The following TBC1D5 variants were observed in gnomAD, a reference collection of about 807,000 sequenced individuals.
The protein encoded by TBC1D5 is TBC1 domain family member 5.
Under a neutral mutation model 100.3 loss-of-function variants are expected in TBC1D5, and 75 were observed. The observed-to-expected ratio is 0.75, with a 90% CI of 0.62 to 0.91. The LOEUF is 0.91. Among genes scored for constraint, TBC1D5 ranks in the 40% least tolerant of loss-of-function variants. TBC1D5 has a pLI of 0.00. For missense variants in TBC1D5, 910 were observed against 942.4 expected (o/e 0.97, Z 0.45); for synonymous variants, 323 against 325.6 (o/e 0.99, Z 0.09).
intron 2 of TBC1D5, among the ~76,000 whole-genome samples, chr3:17,558,577 A>C (rs370568884): frequency 1.1e-4 from 17 of 152,228 alleles, no homozygotes; most frequent in African/African-American, 4.1e-4. Context: ...AGGTTCTCCC[A>C]CAAGAAATTA....
At chr3:17,584,647 T>C (rs1222295927) in intron 2 of TBC1D5, among the ~76,000 whole-genome samples, 1 of 152,134 alleles carries the variant, frequency 6.6e-6, no homozygotes, top group Non-Finnish European at 1.5e-5. Context: ...GGATTCAAAA[T>C]AATTTTTTTA....
At chr3:17,577,560 T>TTATTCATTTTA (rs1553856944) in intron 2 of TBC1D5, among the ~76,000 whole-genome samples, 3 of 151,940 alleles carry the variant, frequency 2.0e-5, no homozygotes, top group Admixed American at 6.6e-5. Flanking sequence ...TTTATACATT[T>TTATTCATTTTA]AAAATGAATC....
chr3:17,178,160 G>T (rs1240668488), intron 19 of TBC1D5, among the ~76,000 whole-genome samples: 15 of 149,864 alleles, frequency 1.0e-4, no homozygotes. Flanking sequence ...CTGCCTCCTG[G>T]GTTCACGCCA....
At chr3:17,554,226 T>G (rs980049514) in intron 2 of TBC1D5, among the ~76,000 whole-genome samples, 1 of 152,202 alleles carries the variant, frequency 6.6e-6, no homozygotes, top group Non-Finnish European at 1.5e-5. Flanking sequence ...TAAAAAGCCA[T>G]TAACGAAGCC....
chr3:17,195,356 A>G (rs1475532773), intron 18 of TBC1D5, among the ~76,000 whole-genome samples: 2 of 152,132 alleles, frequency 1.3e-5, no homozygotes, highest in Non-Finnish European at 2.9e-5. Context: ...CCCCACTTAC[A>G]CGTGATAAGA....
intron 1 of TBC1D5, among the ~76,000 whole-genome samples, chr3:17,660,417 T>C (rs955968087): frequency 5.3e-5 from 8 of 152,310 alleles, no homozygotes; most frequent in African/African-American, 1.9e-4. Context: ...AACCAAATGC[T>C]ATAATACCAT....
intron 16 of TBC1D5, among the ~76,000 whole-genome samples, chr3:17,244,271 A>G (rs1330579414): frequency 6.6e-6 from 1 of 152,174 alleles, no homozygotes; most frequent in African/African-American, 2.4e-5. Flanking sequence ...CCCCTTTCCA[A>G]CTCTAAGAGT....
At chr3:17,310,797 T>C (rs981420304) in intron 13 of TBC1D5, among the ~76,000 whole-genome samples, 4 of 152,174 alleles carry the variant, frequency 2.6e-5, no homozygotes, top group Non-Finnish European at 4.4e-5. Flanking sequence ...GATATTAAAG[T>C]AAAATGCCGT....
chr3:17,186,316 A>T (rs796909973), intron 18 of TBC1D5, among the ~76,000 whole-genome samples: 24 of 152,336 alleles, frequency 1.6e-4, no homozygotes, highest in African/African-American at 5.8e-4. Flanking sequence ...GATGTATCCC[A>T]TTTTAACAAT....
rs558400171 is a variant in TBC1D5, at chr3:17,515,715, C to T, written c.-35-7110G>A. Among the ~76,000 whole-genome samples the T allele has an allele frequency of 1.8e-4, 28 of 152,082 alleles. No individual in the cohort carries two copies. In the East Asian group the frequency reaches 1.9e-3, roughly 10 times the overall value. On this transcript the variant is annotated intron_variant, in intron 2 of 21. Transcript: ENST00000253692. ...TACTTTTCTCGCATGCAAGCTGTTT[C>T]GAAATCTGAGATATTGAGATAAACA...
intron 1 of TBC1D5, among the ~76,000 whole-genome samples, chr3:17,721,558 CTT>C (rs1272917266): frequency 6.6e-6 from 1 of 151,874 alleles, no homozygotes; most frequent in Non-Finnish European, 1.5e-5. Context: ...GCCACTGCCT[CTT>C]TCATAAGTGT....
intron 18 of TBC1D5, among the ~76,000 whole-genome samples, chr3:17,211,180 T>C (rs914170120): frequency 9.2e-5 from 14 of 152,144 alleles, no homozygotes; most frequent in African/African-American, 3.1e-4. Flanking sequence ...GGAAGTTCTG[T>C]GTTTGGATGG....
At chr3:17,521,113 A>C (rs902341642) in intron 2 of TBC1D5, among the ~76,000 whole-genome samples, 3 of 152,232 alleles carry the variant, frequency 2.0e-5, no homozygotes, top group Non-Finnish European at 1.5e-5. Context: ...ATCAGCTACC[A>C]TATGGCAGAA....
intron 2 of TBC1D5, among the ~76,000 whole-genome samples, chr3:17,621,215 G>A (rs1416902033): frequency 6.6e-6 from 1 of 152,114 alleles, no homozygotes; most frequent in Non-Finnish European, 1.5e-5. Flanking sequence ...GTCCATGTAT[G>A]TTTTTCAATA....
rs1032410010 is a variant in TBC1D5 at position 17,258,385 on chromosome 3, A to C, written c.1331+121T>G. The C allele has an allele frequency of 4.4e-6, 4 of 904,480 alleles. No homozygotes were observed. The Admixed American group carries it at 1.0e-4, about 23-fold the overall frequency. The allele number at this position is 904,480 out of a possible 1,614,324, so 56.0% of individuals were successfully genotyped here. A position where few individuals can be genotyped will look rare whatever the true frequency, so the allele number is the denominator to read the frequency against. The stretch of plus-strand genomic sequence containing the variant: ...ATAACTTGGGTAATTTATTTAACAA[A>C]GATTCCTTATGTACATATGCTAAAA... On this transcript the variant is annotated intron_variant, in intron 16 of 21. Transcript: ENST00000253692.
chr3:17,440,625 A>G (rs1345997270), intron 3 of TBC1D5, among the ~76,000 whole-genome samples: 2 of 152,016 alleles, frequency 1.3e-5, no homozygotes, highest in African/African-American at 2.4e-5. Flanking sequence ...TCTTAAAAAC[A>G]TATACATTTT....
chr3:17,621,490 A>C (rs556115876), intron 2 of TBC1D5, among the ~76,000 whole-genome samples: 1 of 152,314 alleles, frequency 6.6e-6, no homozygotes, highest in East Asian at 1.9e-4. Flanking sequence ...AAGCACTGAA[A>C]TATGTGATGG....
intron 3 of TBC1D5, among the ~76,000 whole-genome samples, chr3:17,493,867 G>C (rs1240442215): frequency 6.6e-6 from 1 of 152,106 alleles, no homozygotes. Flanking sequence ...CATTGGGTTA[G>C]AACATACTCC....
At chr3:17,239,317 G>C (rs927804612) in intron 16 of TBC1D5, among the ~76,000 whole-genome samples, 12 of 152,116 alleles carry the variant, frequency 7.9e-5, no homozygotes, top group African/African-American at 2.9e-4. Flanking sequence ...CTGACTTTCA[G>C]AGGTTGTTAT....
Sources: gnomAD v4.1 joint callset for allele counts (sites outside exome capture counted in the v4.1 genomes callset) on GRCh38, gnomAD v4.1.1 for gene constraint, MANE v1.5 for transcripts, NCBI Gene and HGNC (gene_info 2026-07-23, HGNC 2026-07-21) for gene names.